TBL1X: variants seen among roughly 807,000 people sequenced by gnomAD.
The protein encoded by TBL1X is transducin beta like 1 X-linked.
TBL1X carries 10 observed loss-of-function variants against 50.7 expected under a neutral mutation model. The observed-to-expected ratio is 0.20, with a 90% CI of 0.12 to 0.33. TBL1X has a LOEUF of 0.33. TBL1X is among the 10% of genes least tolerant of loss of function. The probability of loss-of-function intolerance (pLI) is 1.00; values close to 1 mark genes in which losing one functional copy is unlikely to be tolerated. For missense variants in TBL1X, 340 were observed against 504.4 expected (o/e 0.67, Z 3.12); for synonymous variants, 190 against 214.7 (o/e 0.88, Z 1.01).
chrX:9,592,071 G>T (rs577100814), intron 2 of TBL1X, among the ~76,000 whole-genome samples: 11 of 111,977 alleles, frequency 9.8e-5, no homozygotes, highest in Non-Finnish European at 1.9e-4. Flanking sequence ...TTACATTTTC[G>T]TATCTGTTGA....
At chrX:9,476,309 A>G (rs1187047355) in intron 1 of TBL1X, among the ~76,000 whole-genome samples, 1 of 112,190 alleles carries the variant, frequency 8.9e-6, no homozygotes. Context: ...CTTTAAGAGG[A>G]AAGAGATGGC....
chrX:9,603,268 C>T (rs1385515579), intron 2 of TBL1X, among the ~76,000 whole-genome samples: 7 of 112,057 alleles, frequency 6.2e-5, no homozygotes, highest in Non-Finnish European at 9.4e-5. Flanking sequence ...GCCATTGTTC[C>T]GGGATCTCTT....
At chrX:9,712,755 A>C (rs1001888745) in intron 16 of TBL1X, among the ~76,000 whole-genome samples, 1 of 112,011 alleles carries the variant, frequency 8.9e-6, no homozygotes, top group Non-Finnish European at 1.9e-5. Context: ...TGCTGTGGGT[A>C]TCTTGGGCCA....
intron 2 of TBL1X, among the ~76,000 whole-genome samples, chrX:9,523,992 G>C (rs185821042): frequency 0.011 from 759 of 66,336 alleles, 18 homozygotes; most frequent in African/African-American, 0.047. Context: ...TTTTTAGACA[G>C]AGTCTCACTC....
chrX:9,549,745 A>G (rs772418176), intron 2 of TBL1X, among the ~76,000 whole-genome samples: 1 of 111,694 alleles, frequency 9.0e-6, no homozygotes, highest in Non-Finnish European at 1.9e-5. Context: ...CGTTATACAG[A>G]AAGTTGTTCT....
chrX:9,469,773 AC>A (rs768595081), intron 1 of TBL1X, among the ~76,000 whole-genome samples: 10 of 107,084 alleles, frequency 9.3e-5, no homozygotes, highest in South Asian at 4.1e-4. Context: ...CTCCACAGTC[AC>A]CCCCCCCAGC....
intron 1 of TBL1X, among the ~76,000 whole-genome samples, chrX:9,489,372 C>T (rs147442830): frequency 1.1e-3 from 120 of 112,018 alleles, no homozygotes; most frequent in Non-Finnish European, 1.7e-3. Context: ...TGTTAATCAG[C>T]ATTTTGGCTC....
intron 2 of TBL1X, among the ~76,000 whole-genome samples, chrX:9,558,123 C>G (rs945210096): frequency 8.9e-6 from 1 of 112,516 alleles, no homozygotes; most frequent in Admixed American, 9.4e-5. Context: ...TACAGTCATT[C>G]TGTATTTTTG....
intron 2 of TBL1X, among the ~76,000 whole-genome samples, chrX:9,556,512 A>G (rs2082300668): frequency 9.4e-6 from 1 of 105,905 alleles, no homozygotes; most frequent in Non-Finnish European, 2.0e-5. Flanking sequence ...AAAAAAAGCC[A>G]GGCATGGTGG....
intron 2 of TBL1X, among the ~76,000 whole-genome samples, chrX:9,555,008 C>G (rs2082288883): frequency 8.9e-6 from 1 of 112,147 alleles, no homozygotes; most frequent in African/African-American, 3.2e-5. Context: ...TCTTTTATGT[C>G]TGGCCTCGTT....
At chrX:9,491,306 T>TTATATATATATATATA (rs757466880) in intron 1 of TBL1X, among the ~76,000 whole-genome samples, 4 of 51,897 alleles carry the variant, frequency 7.7e-5, no homozygotes, top group African/African-American at 3.1e-4. Context: ...GCCAGTATAT[T>TTATATATATATATATA]TATATATATA....
intron 2 of TBL1X, among the ~76,000 whole-genome samples, chrX:9,523,895 A>G (rs2082118643): frequency 9.0e-6 from 1 of 110,712 alleles, no homozygotes; most frequent in African/African-American, 3.3e-5. Flanking sequence ...GATTTGTTGA[A>G]TAGTGCTTTT....
chrX:9,496,171 A>G (rs189363607), intron 1 of TBL1X, among the ~76,000 whole-genome samples: 42 of 112,248 alleles, frequency 3.7e-4, no homozygotes, highest in Non-Finnish European at 6.2e-4. Context: ...GGTGAGGAGG[A>G]GTCAGGGTAC....
chrX:9,684,009 C>G (rs1428779921), intron 5 of TBL1X, 34 bp from the exon 6 acceptor site: 2 of 1,209,537 alleles, frequency 1.7e-6, no homozygotes, highest in Non-Finnish European at 2.2e-6. Context: ...CAATTCGGGT[C>G]TCACTCAACC....
intron 1 of TBL1X, among the ~76,000 whole-genome samples, chrX:9,482,359 G>A (rs2521396): frequency 0.49 from 54,198 of 110,170 alleles, 10,358 homozygotes; most frequent in Middle Eastern, 0.65. Context: ...CTATGGAAAT[G>A]CCTCTTACAG....
chrX:9,606,457 A>G (rs1248899850), intron 2 of TBL1X, among the ~76,000 whole-genome samples: 1 of 111,781 alleles, frequency 8.9e-6, no homozygotes, highest in Non-Finnish European at 1.9e-5. Flanking sequence ...CTTAGCAGTC[A>G]GTTCATTAGA....
At chrX:9,640,985 T>TA (rs1223258422) in intron 3 of TBL1X, among the ~76,000 whole-genome samples, 2 of 112,067 alleles carry the variant, frequency 1.8e-5, no homozygotes, top group Non-Finnish European at 3.8e-5. Context: ...TTCTGGGTCT[T>TA]ACCAGGCGAG....
At chrX:9,531,356 T>TGTGTGTGTGC (rs2082159564) in intron 2 of TBL1X, among the ~76,000 whole-genome samples, 1 of 61,028 alleles carries the variant, frequency 1.6e-5, no homozygotes, top group Non-Finnish European at 3.0e-5. Flanking sequence ...ACCTGGAGGG[T>TGTGTGTGTGC]GTGTGTGTGT....
intron 2 of TBL1X, among the ~76,000 whole-genome samples, chrX:9,525,433 C>CT (rs1373420248): frequency 1.8e-5 from 2 of 112,167 alleles, no homozygotes; most frequent in Non-Finnish European, 3.8e-5. Flanking sequence ...ACACGTAACT[C>CT]TAACTTGTAA....
Sources: allele counts gnomAD v4.1 joint callset (sites outside exome capture counted in the v4.1 genomes callset), GRCh38; gene constraint gnomAD v4.1.1; transcripts MANE v1.5; gene names NCBI Gene and HGNC (gene_info 2026-07-23, HGNC 2026-07-21).